The following KAT2B variants were observed in gnomAD, a reference collection of about 807,000 sequenced individuals.
KAT2B encodes the protein histone acetyltransferase KAT2B.
A neutral mutation model predicts 105.9 loss-of-function variants in KAT2B; 36 were observed. That is an observed-to-expected ratio of 0.34 (90% CI 0.26 to 0.45). KAT2B has a LOEUF of 0.45. Among genes scored for constraint, KAT2B ranks in the 20% least tolerant of loss-of-function variants. KAT2B has a pLI of 1.00. For missense variants in KAT2B, 820 were observed against 1,021.6 expected (o/e 0.80, Z 2.69); for synonymous variants, 397 against 377.9 (o/e 1.05, Z -0.59).
chr3:20,101,553 T>C, intron 5 of KAT2B, 85 bp downstream of exon 5: 4 of 1,017,758 alleles, frequency 3.9e-6, no homozygotes, highest in Non-Finnish European at 5.9e-6. Context: ...AGTATAGGGC[T>C]GCCTAGTTAT....
chr3:20,053,131 A>G (rs1313375257), intron 1 of KAT2B, among the ~76,000 whole-genome samples: 1 of 152,220 alleles, frequency 6.6e-6, no homozygotes, highest in Non-Finnish European at 1.5e-5. Context: ...GACAAGCAAC[A>G]GTTATCTTAT....
intron 5 of KAT2B, among the ~76,000 whole-genome samples, chr3:20,106,016 C>G (rs1451756212): frequency 6.6e-6 from 1 of 152,138 alleles, no homozygotes; most frequent in Non-Finnish European, 1.5e-5. Flanking sequence ...GATCTGACTT[C>G]TAGTCTGGAC....
At chr3:20,065,351 C>T (rs551255769) in intron 1 of KAT2B, among the ~76,000 whole-genome samples, 2 of 152,242 alleles carry the variant, frequency 1.3e-5, no homozygotes, top group African/African-American at 4.8e-5. Flanking sequence ...GCTGCAAGGC[C>T]AACTCCCTTG....
intron 7 of KAT2B, among the ~76,000 whole-genome samples, chr3:20,117,001 A>C (rs1215878048): frequency 6.6e-6 from 1 of 152,198 alleles, no homozygotes; most frequent in East Asian, 1.9e-4. Flanking sequence ...AGTGAAGAAC[A>C]GTTTCCTCCC....
intron 2 of KAT2B, among the ~76,000 whole-genome samples, chr3:20,089,721 T>C (rs1698681765): frequency 1.3e-5 from 2 of 152,278 alleles, no homozygotes; most frequent in South Asian, 4.1e-4. Context: ...ATCAGTGTTT[T>C]ATAGTTTGCA....
chr3:20,048,469 C>A (rs1392387474), intron 1 of KAT2B, among the ~76,000 whole-genome samples: 1 of 151,970 alleles, frequency 6.6e-6, no homozygotes, highest in Admixed American at 6.6e-5. Flanking sequence ...AGATTTAAAC[C>A]CAGTTGCCTC....
Position 20,146,665 on chromosome 3 carries a change from C to G in KAT2B, c.2119+235C>G, listed in dbSNP as rs954539102. On this transcript the variant is annotated intron_variant, in intron 14 of 17. Coordinates refer to ENST00000263754, the MANE Select transcript of KAT2B (RefSeq NM_003884.5). Reference sequence around the variant, plus strand: ...CCTTGTAATAGCTGTTAATATCCACCACTTAATGAGTCTGCCATTTGTAGC... The same window carrying G: ...CCTTGTAATAGCTGTTAATATCCACGACTTAATGAGTCTGCCATTTGTAGC... 4.0e-5 allele frequency: 11 copies of G among 277,634 alleles called. No homozygotes were observed. The African/African-American group carries it at 7.1e-4, about 18-fold the overall frequency. 17.2% of individuals were successfully genotyped at this position (277,634 alleles called of 1,614,324 possible). A position where few individuals can be genotyped will look rare whatever the true frequency, so the allele number is the denominator to read the frequency against.
At chr3:20,121,429 A>G (rs1699305482) in intron 8 of KAT2B, among the ~76,000 whole-genome samples, 2 of 152,194 alleles carry the variant, frequency 1.3e-5, no homozygotes, top group South Asian at 4.1e-4. Context: ...ACCAAACATG[A>G]GAATAGAAAG....
intron 2 of KAT2B, 139 bp downstream of exon 2, chr3:20,072,598 TC>T: frequency 1.3e-6 from 1 of 788,208 alleles, no homozygotes; most frequent in Non-Finnish European, 2.1e-6. Context: ...CTCTCTAGTC[TC>T]ACGAGTTTGC....
intron 1 of KAT2B, 56 bp downstream of exon 1, chr3:20,040,836 A>AC (rs572385399): frequency 1.4e-5 from 21 of 1,490,930 alleles, no homozygotes; most frequent in African/African-American, 5.9e-5. Context: ...AGCCCGCGGG[A>AC]CCCCCCTCCC....
intron 7 of KAT2B, among the ~76,000 whole-genome samples, chr3:20,116,595 A>T (rs955042776): frequency 6.6e-6 from 1 of 152,188 alleles, no homozygotes; most frequent in African/African-American, 2.4e-5. Context: ...TGACTGTGTT[A>T]GACAATTCTC....
chr3:20,130,089 T>C (rs1004313115), intron 11 of KAT2B, among the ~76,000 whole-genome samples: 3 of 152,142 alleles, frequency 2.0e-5, no homozygotes, highest in Non-Finnish European at 4.4e-5. Flanking sequence ...GTGATTCTTA[T>C]GCCACAGCCA....
intron 1 of KAT2B, among the ~76,000 whole-genome samples, chr3:20,062,485 G>A (rs909124430): frequency 2.2e-5 from 3 of 134,876 alleles, no homozygotes; most frequent in South Asian, 2.2e-4. Context: ...TATATTAGAG[G>A]TAGTTTTGCT....
intron 1 of KAT2B, among the ~76,000 whole-genome samples, chr3:20,054,382 C>T (rs1697969931): frequency 6.6e-6 from 1 of 152,158 alleles, no homozygotes; most frequent in Non-Finnish European, 1.5e-5. Flanking sequence ...CCTCATCGGC[C>T]TTCCAAAGTG....
rs1289091486 is a variant in KAT2B at position 20,148,277 on chromosome 3, A to G, written c.2191A>G (p.Thr731Ala). 4 of 1,613,976 alleles carry G rather than the reference A, an allele frequency of 2.5e-6. No individual in the cohort carries two copies. Among genetic ancestry groups the G allele is most frequent in the Non-Finnish European group, 3.4e-6 (4 of 1,179,968 alleles). Residue 731 changes from threonine to alanine, a missense_variant, in exon 16 of 18, where the codon ACG (threonine) becomes GCG (alanine). Physicochemically the swap from Thr to Ala is moderately conservative, Grantham distance 58. Coordinates refer to ENST00000263754, the MANE Select transcript of KAT2B (RefSeq NM_003884.5). The part of the protein sequence containing the change: ...EPRDPDQLYS[T>A]LKSILQQVKS... ...CAGAGACCCTGACCAGCTTTACAGC[A>G]CGCTCAAGAGCATCCTCCAGCAGGT... is the stretch of plus-strand genomic sequence containing the variant.
chr3:20,071,500 C>CAGGT (rs1698321346), intron 1 of KAT2B, among the ~76,000 whole-genome samples: 1 of 152,202 alleles, frequency 6.6e-6, no homozygotes, highest in East Asian at 1.9e-4. Flanking sequence ...ATGAACCTTT[C>CAGGT]ATACGTTGAG....
chr3:20,066,010 G>GTTTTTT (rs992514755), intron 1 of KAT2B, among the ~76,000 whole-genome samples: 1 of 149,438 alleles, frequency 6.7e-6, no homozygotes. Context: ...AACAAATACA[G>GTTTTTT]TTTTTTTTTT....
At chr3:20,101,038 T>G (rs894368858) in intron 4 of KAT2B, 1 of 487,436 alleles carries the variant, frequency 2.1e-6, no homozygotes, top group South Asian at 4.0e-5. Context: ...TCCTTAATGC[T>G]TCAGGATTTC....
At chr3:20,126,347 G>A (rs1699403732) in intron 10 of KAT2B, among the ~76,000 whole-genome samples, 2 of 152,064 alleles carry the variant, frequency 1.3e-5, no homozygotes, top group African/African-American at 2.4e-5. Context: ...CATTGCTGAT[G>A]ACTCTCCTGT....
Sources: gnomAD v4.1 joint callset for allele counts (sites outside exome capture counted in the v4.1 genomes callset) on GRCh38, gnomAD v4.1.1 for gene constraint, MANE v1.5 for transcripts, NCBI Gene and HGNC (gene_info 2026-07-23, HGNC 2026-07-21) for gene names.